NRXN3: variants seen among roughly 807,000 people sequenced by gnomAD.
The protein encoded by NRXN3 is neurexin III.
In NRXN3, 32 loss-of-function variants were observed where a neutral mutation model predicts 137.6. The ratio of observed to expected loss-of-function variants is 0.23; its 90% CI spans 0.18 to 0.31. NRXN3 has a LOEUF of 0.31. NRXN3 is among the 10% of genes least tolerant of loss of function. The pLI, the probability that NRXN3 is intolerant of heterozygous loss-of-function variation, is 1.00. For synonymous variants in NRXN3, 798 were observed against 784.5 expected (o/e 1.02, Z -0.29); for missense variants, 1,574 against 2,062.5 (o/e 0.76, Z 4.59).
intron 15 of NRXN3, among the ~76,000 whole-genome samples, chr14:79,342,628 G>T (rs888481482): frequency 6.6e-6 from 1 of 152,004 alleles, no homozygotes; most frequent in African/African-American, 2.4e-5. Flanking sequence ...TTTCCCAGGG[G>T]AACCCTTTGG....
intron 19 of NRXN3, among the ~76,000 whole-genome samples, chr14:79,710,422 C>CAAAGA (rs1023775210): frequency 1.3e-5 from 2 of 152,078 alleles, no homozygotes; most frequent in African/African-American, 4.8e-5. Context: ...GTTTCTCATT[C>CAAAGA]AAAGAAAGGG....
chr14:78,188,387 G>A (rs563948521), intron 1 of NRXN3, among the ~76,000 whole-genome samples: 42 of 152,286 alleles, frequency 2.8e-4, no homozygotes, highest in African/African-American at 9.6e-4. Flanking sequence ...GAGGGAACTG[G>A]AAAGACTGAT....
chr14:78,961,370 C>T (rs1394497073), intron 11 of NRXN3, among the ~76,000 whole-genome samples: 1 of 152,062 alleles, frequency 6.6e-6, no homozygotes, highest in Non-Finnish European at 1.5e-5. Context: ...CCCCTCCCCC[C>T]AGAAGTTAGG....
chr14:78,885,885 A>G (rs536385647), intron 10 of NRXN3, among the ~76,000 whole-genome samples: 3 of 152,064 alleles, frequency 2.0e-5, no homozygotes, highest in East Asian at 3.9e-4. Flanking sequence ...GCTCACTCAC[A>G]TAAAGCCCAA....
chr14:79,009,828 T>G (rs1241775421), intron 15 of NRXN3, among the ~76,000 whole-genome samples: 3 of 152,234 alleles, frequency 2.0e-5, no homozygotes. Flanking sequence ...TACAAATGCC[T>G]GTGGTTGGTC....
At chr14:78,409,226 G>T (rs1048085680) in intron 4 of NRXN3, among the ~76,000 whole-genome samples, 1 of 152,192 alleles carries the variant, frequency 6.6e-6, no homozygotes, top group African/African-American at 2.4e-5. Flanking sequence ...AGCGTAGATG[G>T]TGGTTTCTAT....
intron 15 of NRXN3, among the ~76,000 whole-genome samples, chr14:79,381,628 G>A (rs1426570846): frequency 6.6e-6 from 1 of 152,112 alleles, no homozygotes; most frequent in Non-Finnish European, 1.5e-5. Flanking sequence ...ATAATTCTCA[G>A]TCAAAAGGAA....
chr14:78,299,363 C>G (rs991293137), intron 4 of NRXN3, among the ~76,000 whole-genome samples: 2 of 152,078 alleles, frequency 1.3e-5, no homozygotes, highest in Non-Finnish European at 2.9e-5. Context: ...AAGCACATCT[C>G]TTTGAGGAAC....
At chr14:78,248,438 T>G (rs888128104) in intron 2 of NRXN3, among the ~76,000 whole-genome samples, 2 of 151,870 alleles carry the variant, frequency 1.3e-5, no homozygotes, top group Non-Finnish European at 2.9e-5. Flanking sequence ...CTTTTTTTTT[T>G]TATTGAGAAT....
chr14:79,007,508 C>G (rs1037132083), intron 15 of NRXN3, among the ~76,000 whole-genome samples: 6 of 145,432 alleles, frequency 4.1e-5, no homozygotes, highest in Admixed American at 4.1e-4. Flanking sequence ...AACAAACAAA[C>G]AAAAAAAAAC....
intron 6 of NRXN3, among the ~76,000 whole-genome samples, chr14:78,699,726 T>G (rs759160776): frequency 6.6e-6 from 1 of 152,210 alleles, no homozygotes; most frequent in Non-Finnish European, 1.5e-5. Flanking sequence ...TCCTCTGCTT[T>G]GTGACATGTA....
chr14:78,721,603 T>A (rs550156964), intron 8 of NRXN3, among the ~76,000 whole-genome samples: 2 of 152,278 alleles, frequency 1.3e-5, no homozygotes, highest in South Asian at 4.1e-4. Flanking sequence ...CAAATTTTCA[T>A]CTCCCTGATT....
intron 4 of NRXN3, among the ~76,000 whole-genome samples, chr14:78,631,210 T>A (rs2097519726): frequency 1.3e-5 from 2 of 152,188 alleles, no homozygotes; most frequent in African/African-American, 4.8e-5. Context: ...TCTTTGCAGA[T>A]ACCTACATGG....
At chr14:78,655,168 T>A (rs1395635542) in intron 6 of NRXN3, among the ~76,000 whole-genome samples, 1 of 152,188 alleles carries the variant, frequency 6.6e-6, no homozygotes, top group African/African-American at 2.4e-5. Context: ...ATAAGACCAC[T>A]GATCTTACTC....
At chr14:79,137,455 A>G (rs1651637742) in intron 15 of NRXN3, among the ~76,000 whole-genome samples, 1 of 8,404 alleles carries the variant, frequency 1.2e-4, no homozygotes, top group African/African-American at 1.9e-3. Context: ...AAAACCTGAG[A>G]CATAAACAAT....
At chr14:79,834,055 A>C (rs1451214746) in intron 20 of NRXN3, among the ~76,000 whole-genome samples, 1 of 152,136 alleles carries the variant, frequency 6.6e-6, no homozygotes, top group Non-Finnish European at 1.5e-5. Context: ...CAGCACATAC[A>C]TATTTCTGAG....
At chr14:79,541,258 C>G (rs908249190) in intron 16 of NRXN3, among the ~76,000 whole-genome samples, 1 of 152,064 alleles carries the variant, frequency 6.6e-6, no homozygotes, top group South Asian at 2.1e-4. Flanking sequence ...CAAAAATTAG[C>G]CGGGTGTGGT....
chr14:79,286,740 A>G (rs2082335011), intron 15 of NRXN3, among the ~76,000 whole-genome samples: 2 of 151,960 alleles, frequency 1.3e-5, no homozygotes, highest in South Asian at 2.1e-4. Flanking sequence ...GGGAACAACT[A>G]TGGTTGGAGG....
At chr14:78,197,124 T>C (rs943057541) in intron 1 of NRXN3, among the ~76,000 whole-genome samples, 10 of 152,144 alleles carry the variant, frequency 6.6e-5, no homozygotes, top group Non-Finnish European at 1.0e-4. Context: ...TCTCCACCTC[T>C]TTCCTTTGAG....
Sources: allele counts gnomAD v4.1 joint callset (sites outside exome capture counted in the v4.1 genomes callset), GRCh38; gene constraint gnomAD v4.1.1; transcripts MANE v1.5; gene names NCBI Gene and HGNC (gene_info 2026-07-23, HGNC 2026-07-21).